The following ELOVL6 variants were observed in gnomAD, a reference collection of about 807,000 sequenced individuals.
ELOVL6 encodes the protein ELOVL fatty acid elongase 6, also known as very long chain fatty acid elongase 6.
In ELOVL6, 8 loss-of-function variants were observed where a neutral mutation model predicts 31.7. The ratio of observed to expected loss-of-function variants is 0.25; its 90% CI spans 0.15 to 0.45. The LOEUF (loss-of-function observed/expected upper bound fraction) is 0.45, where lower values mean the gene tolerates loss of function less well. ELOVL6 is among the 20% of genes least tolerant of loss of function. ELOVL6 has a pLI of 1.00. For synonymous variants in ELOVL6, 101 were observed against 117.7 expected, an observed-to-expected ratio of 0.86 and a Z score of 0.92; for missense variants, 126 against 326.4, an observed-to-expected ratio of 0.39 and a Z score of 4.73.
intron 1 of ELOVL6, among the ~76,000 whole-genome samples, chr4:110,173,470 A>G (rs965917946): frequency 3.3e-5 from 5 of 151,370 alleles, no homozygotes; most frequent in African/African-American, 1.2e-4. Context: ...GGTTTCCTTT[A>G]CCTGATATTC....
intron 1 of ELOVL6, among the ~76,000 whole-genome samples, chr4:110,112,400 T>C (rs1341710314): frequency 6.6e-6 from 1 of 152,212 alleles, no homozygotes; most frequent in Non-Finnish European, 1.5e-5. Context: ...GAGTTGATGT[T>C]TGCAGCTCAG....
At chr4:110,158,174 C>T (rs1413518466) in intron 1 of ELOVL6, among the ~76,000 whole-genome samples, 2 of 152,172 alleles carry the variant, frequency 1.3e-5, no homozygotes, top group African/African-American at 4.8e-5. Flanking sequence ...TCCAAACATA[C>T]TATACAACCC....
At chr4:110,124,570 G>A (rs992601759) in intron 1 of ELOVL6, among the ~76,000 whole-genome samples, 3 of 152,174 alleles carry the variant, frequency 2.0e-5, no homozygotes, top group African/African-American at 7.2e-5. Context: ...GGAGTTAGGG[G>A]AGGGAGACCA....
At chr4:110,134,710 C>T (rs775808819) in intron 1 of ELOVL6, among the ~76,000 whole-genome samples, 4 of 152,074 alleles carry the variant, frequency 2.6e-5, no homozygotes, top group Non-Finnish European at 4.4e-5. Flanking sequence ...TCTGTAATCC[C>T]AGCACTTTGG....
At chr4:110,161,136 GA>G (rs1041068450) in intron 1 of ELOVL6, among the ~76,000 whole-genome samples, 5 of 151,798 alleles carry the variant, frequency 3.3e-5, no homozygotes, top group African/African-American at 1.2e-4. Context: ...TAAAAGACTG[GA>G]AAAAAACACA....
intron 1 of ELOVL6, among the ~76,000 whole-genome samples, chr4:110,168,550 A>G (rs1465574553): frequency 6.6e-6 from 1 of 152,026 alleles, no homozygotes; most frequent in Non-Finnish European, 1.5e-5. Flanking sequence ...AATTCAATGG[A>G]TGCAATCAGA....
chr4:110,174,591 A>G lies in ELOVL6; in HGVS notation c.89+23656T>C, dbSNP rs112833774. ...CCTACTGAATCAGACTAGACTTACC[A>G]AGTTTTCTATTGACCTTAGAATTCC... On this transcript the variant is annotated intron_variant, in intron 1 of 3. Coordinates refer to ENST00000302274, the MANE Select transcript of ELOVL6 (RefSeq NM_024090.3). Among the ~76,000 whole-genome samples, 504 of 152,238 alleles carry G rather than the reference A, an allele frequency of 3.3e-3. 3 individuals are homozygous for G. The highest frequency in any genetic ancestry group is 0.012 in the African/African-American group (479 of 41,550).
rs1560815544 is a variant in ELOVL6 at position 110,084,485 on chromosome 4, A to ATG, written c.221+21011_221+21012insCA. ...TATGATATATAACAATATACACTAT[A>ATG]ATGTATACACATATATATCATATAT... is the stretch of plus-strand genomic sequence containing the variant. On this transcript the variant is annotated intron_variant, in intron 2 of 3. Coordinates refer to ENST00000302274, the MANE Select transcript of ELOVL6 (RefSeq NM_024090.3). 1.0e-3 allele frequency among the ~76,000 whole-genome samples: 30 copies of ATG among 29,658 alleles called. 1 individual carries two copies. In the South Asian group the frequency reaches 0.03, roughly 30 times the overall value. The allele number at this position is 29,658 out of a possible 152,430, so 19.5% of individuals were successfully genotyped here. A position where few individuals can be genotyped will look rare whatever the true frequency, so the allele number is the denominator to read the frequency against.
At chr4:110,103,398 T>C (rs1756805292) in intron 2 of ELOVL6, among the ~76,000 whole-genome samples, 1 of 152,078 alleles carries the variant, frequency 6.6e-6, no homozygotes, top group Non-Finnish European at 1.5e-5. Context: ...AAAAAGTACA[T>C]ATCCATAAGT....
chr4:110,174,568 T>C (rs1403433671), intron 1 of ELOVL6, among the ~76,000 whole-genome samples: 2 of 152,220 alleles, frequency 1.3e-5, no homozygotes, highest in African/African-American at 4.8e-5. Context: ...CCTGTGGCCC[T>C]ACTGAATCAG....
chr4:110,058,056 G>T (rs201797512), intron 3 of ELOVL6, among the ~76,000 whole-genome samples: 1 of 152,110 alleles, frequency 6.6e-6, no homozygotes, highest in Non-Finnish European at 1.5e-5. Context: ...AATCCAGGGT[G>T]AAAACCACTT....
At chr4:110,148,353 T>C (rs777693597) in intron 1 of ELOVL6, among the ~76,000 whole-genome samples, 1 of 152,118 alleles carries the variant, frequency 6.6e-6, no homozygotes, top group African/African-American at 2.4e-5. Context: ...GAGGTCATTA[T>C]GCTAAGTGAA....
intron 1 of ELOVL6, among the ~76,000 whole-genome samples, chr4:110,134,530 T>C (rs1278986528): frequency 6.6e-6 from 1 of 152,054 alleles, no homozygotes; most frequent in Non-Finnish European, 1.5e-5. Context: ...TGGGGGGACA[T>C]GTATTGTGGC....
intron 1 of ELOVL6, among the ~76,000 whole-genome samples, chr4:110,164,266 C>G (rs996310995): frequency 6.6e-6 from 1 of 152,142 alleles, no homozygotes; most frequent in Non-Finnish European, 1.5e-5. Flanking sequence ...GAAACTGTGT[C>G]TGAATCCACA....
intron 1 of ELOVL6, among the ~76,000 whole-genome samples, chr4:110,172,432 C>A (rs191195715): frequency 1.3e-5 from 2 of 152,170 alleles, no homozygotes; most frequent in Non-Finnish European, 2.9e-5. Context: ...TTATATTCCA[C>A]CTGGGAGCAA....
chr4:110,169,233 TTTTTG>T (rs1311522777), intron 1 of ELOVL6, among the ~76,000 whole-genome samples: 2,250 of 122,044 alleles, frequency 0.018, 70 homozygotes, highest in African/African-American at 0.058. Context: ...GTTTTGGGGT[TTTTTG>T]TTTTGTTTTT....
intron 1 of ELOVL6, among the ~76,000 whole-genome samples, chr4:110,149,086 T>C (rs1009370589): frequency 1.3e-5 from 2 of 152,166 alleles, no homozygotes; most frequent in Admixed American, 6.5e-5. Context: ...GGTCTTGAAC[T>C]CCTGGGCTCA....
rs1560814435 is a variant in ELOVL6, at chr4:110,084,189, A to AAC, written c.221+21307_221+21308insGT. Among the ~76,000 whole-genome samples, 6 of 64,552 alleles carry AAC rather than the reference A, an allele frequency of 9.3e-5. 1 individual carries two copies. Among genetic ancestry groups the AAC allele is most frequent in the African/African-American group, 3.7e-4 (6 of 16,088 alleles). 42.3% of individuals were successfully genotyped at this position (64,552 alleles called of 152,430 possible). A position where few individuals can be genotyped will look rare whatever the true frequency, so the allele number is the denominator to read the frequency against. On this transcript the variant is annotated intron_variant, in intron 2 of 3. Transcript: ENST00000302274. ...GTGATATATATGATATATATAACAT[A>AAC]TAACTTATATGATATATATAACATA...
chr4:110,198,490 G>A lies in ELOVL6; in HGVS notation c.-155C>T. The A allele has an allele frequency of 3.5e-6, 2 of 578,822 alleles. No individual in the cohort carries two copies. The highest frequency in any genetic ancestry group is 4.0e-5 in the South Asian group (2 of 49,812). 35.9% of individuals were successfully genotyped at this position (578,822 alleles called of 1,614,324 possible). A position where few individuals can be genotyped will look rare whatever the true frequency, so the allele number is the denominator to read the frequency against. On this transcript the variant is annotated 5_prime_UTR_variant, in exon 1 of 4. Transcript: ENST00000302274. ...TCTCCAGCGGTCGTCTCTTCTCCCAGCCTCTCAGCTACATCCAGGGCTGAG... is the reference window on the plus strand; with the variant it reads ...TCTCCAGCGGTCGTCTCTTCTCCCAACCTCTCAGCTACATCCAGGGCTGAG...
Sources: gnomAD v4.1 joint callset for allele counts (sites outside exome capture counted in the v4.1 genomes callset) on GRCh38, gnomAD v4.1.1 for gene constraint, MANE v1.5 for transcripts, NCBI Gene and HGNC (gene_info 2026-07-23, HGNC 2026-07-21) for gene names.